The following SLC25A21 variants were observed in gnomAD, a reference collection of about 807,000 sequenced individuals.
The protein encoded by SLC25A21 is solute carrier family 25 member 21.
SLC25A21 carries 47 observed loss-of-function variants against 43.8 expected under a neutral mutation model. The ratio of observed to expected loss-of-function variants is 1.07; its 90% confidence interval spans 0.85 to 1.37. The LOEUF (loss-of-function observed/expected upper bound fraction) is 1.37. Among genes scored for constraint, SLC25A21 ranks in the 40% most tolerant of loss-of-function variants. SLC25A21 has a pLI of 0.00. For missense variants in SLC25A21, 352 were observed against 350.2 expected (o/e 1.00, Z -0.04); for synonymous variants, 131 against 121.3 (o/e 1.08, Z -0.52).
At chr14:36,840,281 T>C (rs1300906454) in intron 2 of SLC25A21, among the ~76,000 whole-genome samples, 2 of 151,954 alleles carry the variant, frequency 1.3e-5, no homozygotes, top group Non-Finnish European at 2.9e-5. Flanking sequence ...CTCATATGAG[T>C]CAAGCCTTCA....
chr14:36,957,677 A>G (rs1959375976), intron 1 of SLC25A21, among the ~76,000 whole-genome samples: 1 of 152,236 alleles, frequency 6.6e-6, no homozygotes, highest in Non-Finnish European at 1.5e-5. Context: ...ACTGATGAGG[A>G]TTTCAAATGC....
rs71124791 is a variant in SLC25A21, at chr14:37,098,805, A to ATT, written c.70+73474_70+73475dup. On this transcript the variant is annotated intron_variant, in intron 1 of 9. Transcript: ENST00000331299. The stretch of plus-strand genomic sequence containing the variant: ...GACAGACAGATAGATAGATAGATAG[A>ATT]TTTTTTTTTTTTTTTGAGACAAAGT... Among the ~76,000 whole-genome samples the ATT allele has an allele frequency of 3.7e-3, 484 of 129,482 alleles. 12 individuals carry two copies. Among genetic ancestry groups the ATT allele is most frequent in the South Asian group, 5.4e-3 (24 of 4,462 alleles). The allele number at this position is 129,482 out of a possible 152,430, so 84.9% of individuals were successfully genotyped here. A position where few individuals can be genotyped will look rare whatever the true frequency, so the allele number is the denominator to read the frequency against.
At chr14:36,751,589 A>C (rs975438062) in intron 3 of SLC25A21, among the ~76,000 whole-genome samples, 2 of 152,236 alleles carry the variant, frequency 1.3e-5, no homozygotes, top group African/African-American at 4.8e-5. Context: ...CTTTTTCCCC[A>C]AGGACTTCCA....
intron 1 of SLC25A21, among the ~76,000 whole-genome samples, chr14:36,942,706 C>A (rs1175472665): frequency 6.6e-6 from 1 of 152,136 alleles, no homozygotes; most frequent in Non-Finnish European, 1.5e-5. Flanking sequence ...TTGATATGTT[C>A]TGCCAAAGCT....
chr14:37,103,338 T>C (rs1962852886), intron 1 of SLC25A21, among the ~76,000 whole-genome samples: 1 of 152,158 alleles, frequency 6.6e-6, no homozygotes, highest in African/African-American at 2.4e-5. Flanking sequence ...GCCTGATCTC[T>C]TAACTTACTG....
intron 1 of SLC25A21, among the ~76,000 whole-genome samples, chr14:37,128,544 G>C (rs548175268): frequency 0.029 from 3,782 of 132,448 alleles, 64 homozygotes; most frequent in Middle Eastern, 0.05. Flanking sequence ...CTCTCTGTGT[G>C]TGTGTGTGTG....
At chr14:36,907,675 A>C (rs139133482) in intron 1 of SLC25A21, among the ~76,000 whole-genome samples, 12 of 152,280 alleles carry the variant, frequency 7.9e-5, no homozygotes, top group African/African-American at 2.4e-4. Context: ...CATCAGATGG[A>C]ACTAAGAGTG....
intron 1 of SLC25A21, among the ~76,000 whole-genome samples, chr14:36,896,055 T>C (rs1891229828): frequency 6.6e-6 from 1 of 152,184 alleles, no homozygotes; most frequent in Admixed American, 6.5e-5. Context: ...GTCTATTAGG[T>C]CTGCTTGATG....
intron 6 of SLC25A21, among the ~76,000 whole-genome samples, chr14:36,717,281 A>G (rs1024873176): frequency 2.6e-5 from 4 of 152,258 alleles, no homozygotes; most frequent in Middle Eastern, 3.2e-3. Flanking sequence ...GTCCACATTT[A>G]TAGTTCTTTT....
At chr14:37,042,494 G>A (rs1057093138) in intron 1 of SLC25A21, among the ~76,000 whole-genome samples, 14 of 152,134 alleles carry the variant, frequency 9.2e-5, no homozygotes, top group African/African-American at 3.4e-4. Flanking sequence ...AAATAACAGT[G>A]TAGTTTAAGA....
At chr14:37,067,588 A>T (rs1962086747) in intron 1 of SLC25A21, among the ~76,000 whole-genome samples, 1 of 152,214 alleles carries the variant, frequency 6.6e-6, no homozygotes, top group Non-Finnish European at 1.5e-5. Flanking sequence ...GGAAAATCTG[A>T]GATGCAAGAA....
intron 1 of SLC25A21, among the ~76,000 whole-genome samples, chr14:36,886,396 T>C (rs889464849): frequency 2.0e-5 from 3 of 152,210 alleles, no homozygotes; most frequent in Non-Finnish European, 4.4e-5. Flanking sequence ...CTTGAAAAAC[T>C]TGCAAACACT....
chr14:36,990,080 A>G (rs1960230941), intron 1 of SLC25A21, among the ~76,000 whole-genome samples: 1 of 152,018 alleles, frequency 6.6e-6, no homozygotes, highest in Admixed American at 6.6e-5. Context: ...CATAAGAAAG[A>G]GCTGAATGAA....
chr14:37,103,134 T>C (rs558422006), intron 1 of SLC25A21, among the ~76,000 whole-genome samples: 2 of 152,350 alleles, frequency 1.3e-5, no homozygotes, highest in South Asian at 2.1e-4. Flanking sequence ...TTGGAATGCA[T>C]GTTTAACGTG....
intron 1 of SLC25A21, among the ~76,000 whole-genome samples, chr14:37,160,808 C>T (rs1206252204): frequency 6.6e-6 from 1 of 151,604 alleles, no homozygotes; most frequent in African/African-American, 2.4e-5. Flanking sequence ...CATGTGCCTG[C>T]AATCCCAGCT....
chr14:36,961,003 T>C (rs1959477305), intron 1 of SLC25A21, among the ~76,000 whole-genome samples: 1 of 152,170 alleles, frequency 6.6e-6, no homozygotes, highest in Non-Finnish European at 1.5e-5. Flanking sequence ...GTTCTCCAAT[T>C]AATCACAATC....
chr14:37,047,152 G>A (rs948470535), intron 1 of SLC25A21, among the ~76,000 whole-genome samples: 4 of 152,182 alleles, frequency 2.6e-5, no homozygotes, highest in Non-Finnish European at 2.9e-5. Context: ...GGAGAGACAT[G>A]GGGCTAAGGA....
At chr14:36,924,447 G>A (rs904852709) in intron 1 of SLC25A21, among the ~76,000 whole-genome samples, 8 of 151,840 alleles carry the variant, frequency 5.3e-5, no homozygotes, top group African/African-American at 1.9e-4. Context: ...AACACTGCAT[G>A]TTCTCACTCA....
At chr14:37,031,962 C>T (rs1448917915) in intron 1 of SLC25A21, among the ~76,000 whole-genome samples, 8 of 152,150 alleles carry the variant, frequency 5.3e-5, no homozygotes, top group Admixed American at 5.2e-4. Context: ...TTAAAGAATT[C>T]CCAGTTCCTA....
Sources: allele counts gnomAD v4.1 joint callset (sites outside exome capture counted in the v4.1 genomes callset), GRCh38; gene constraint gnomAD v4.1.1; transcripts MANE v1.5; gene names NCBI Gene and HGNC (gene_info 2026-07-23, HGNC 2026-07-21).